The following TLK2 variants were observed in gnomAD, a reference collection of about 807,000 sequenced individuals.
TLK2 encodes tousled like kinase 2, also known as serine/threonine-protein kinase tousled-like 2.
Under a neutral mutation model 117.3 loss-of-function variants are expected in TLK2, and 6 were observed. That is an observed-to-expected ratio of 0.05 (90% CI 0.03 to 0.10). TLK2 has a LOEUF of 0.10. TLK2 is among the 10% of genes least tolerant of loss of function. The pLI, the probability that TLK2 is intolerant of heterozygous loss-of-function variation, is 1.00. For synonymous variants in TLK2, 257 were observed against 316.7 expected (o/e 0.81, Z 2.00); for missense variants, 299 against 901.2 (o/e 0.33, Z 8.56).
At chr17:62,549,398 C>CAAAAAAAA (rs777779302) in intron 7 of TLK2, among the ~76,000 whole-genome samples, 3 of 37,100 alleles carry the variant, frequency 8.1e-5, no homozygotes, top group African/African-American at 3.1e-4. Context: ...GACTCCATCT[C>CAAAAAAAA]AAAAAAAAAA....
intron 2 of TLK2, among the ~76,000 whole-genome samples, chr17:62,518,612 G>A (rs555674274): frequency 4.6e-5 from 7 of 152,138 alleles, no homozygotes; most frequent in Middle Eastern, 3.4e-3. Context: ...AGGCTGAGGC[G>A]GAAGAATTGC....
At chr17:62,478,690 C>G (rs2071215923), upstream of TLK2, among the ~76,000 whole-genome samples, 1 of 142,640 alleles carries the variant, frequency 7.0e-6, no homozygotes, top group African/African-American at 2.5e-5. Context: ...GGGGACCCCC[C>G]CCCACCTTCC....
At chr17:62,600,565 C>T in intron 17 of TLK2, 86 bp from the exon 18 acceptor site, 1 of 1,165,008 alleles carries the variant, frequency 8.6e-7, no homozygotes, top group Non-Finnish European at 1.2e-6. Flanking sequence ...AGCTGATGAC[C>T]TGAAGTTTTC....
intron 21 of TLK2, among the ~76,000 whole-genome samples, chr17:62,609,407 C>T (rs1187459597): frequency 6.6e-6 from 1 of 152,170 alleles, no homozygotes; most frequent in Non-Finnish European, 1.5e-5. Flanking sequence ...TCTCTTTCTT[C>T]GGTGTTTGAT....
At position 62,522,194 on chromosome 17, in the gene TLK2, T is replaced by A; in HGVS notation, c.154-10T>A. 6.2e-7 allele frequency: 1 copy of A among 1,612,380 alleles called. No homozygotes were observed. The highest frequency in any genetic ancestry group is 8.5e-7 in the Non-Finnish European group (1 of 1,179,408). On this transcript the variant is annotated splice_polypyrimidine_tract_variant and intron_variant, in intron 3 of 21. Transcript: ENST00000346027. ...AAAATGCTAATTGTGACTTATATGG[T>A]ATTTGACAGACTCCCGAGAAAAAGC...
intron 2 of TLK2, among the ~76,000 whole-genome samples, chr17:62,502,028 AAT>A (rs1491333467): frequency 2.2e-5 from 3 of 134,244 alleles, no homozygotes; most frequent in Non-Finnish European, 3.2e-5. Flanking sequence ...AAAAAATACC[AAT>A]TTTTTTTTTT....
chr17:62,553,367 AT>A, intron 8 of TLK2: 1 of 236,082 alleles, frequency 4.2e-6, no homozygotes, highest in South Asian at 6.9e-5. Flanking sequence ...AGTTAGTTTC[AT>A]TTCTGGAGTA....
In TLK2 at chr17:62,548,906, T is replaced by A. The variant is rs1253339749; in HGVS notation, c.532-3396T>A. ...CACCCGCCCCCACGCCCAGATTATT[T>A]TTTTTTGTATGTTTAGTAGAGACAG... On this transcript the variant is annotated intron_variant, in intron 7 of 21. Transcript: ENST00000346027. 1.0e-4 allele frequency among the ~76,000 whole-genome samples: 15 copies of A among 148,836 alleles called. 1 individual carries two copies. In the East Asian group the frequency reaches 1.0e-3, roughly 10 times the overall value.
intron 7 of TLK2, among the ~76,000 whole-genome samples, chr17:62,548,318 G>C (rs888940364): frequency 6.8e-6 from 1 of 147,500 alleles, no homozygotes; most frequent in African/African-American, 2.5e-5. Flanking sequence ...GTCTCACTCT[G>C]TCACCCAGGC....
chr17:62,600,243 C>CA (rs11290220), intron 17 of TLK2: 48 of 150,692 alleles, frequency 3.2e-4, no homozygotes, highest in Non-Finnish European at 4.6e-4. Context: ...GACGGAGTCT[C>CA]AAAAAAAAAA....
chr17:62,614,188 A>G lies in TLK2; in HGVS notation c.*1623A>G, dbSNP rs954500709. ...AAATATGAACATTCTTTTGGCACCA[A>G]TTTTCTTTTTTAATTTGGTTGTTTC... On this transcript the variant is annotated 3_prime_UTR_variant, in exon 22 of 22. Coordinates refer to ENST00000346027, the MANE Select transcript of TLK2 (RefSeq NM_006852.6). 3.3e-5 allele frequency: 5 copies of G among 151,860 alleles called. No individual in the cohort carries two copies. Among genetic ancestry groups the G allele is most frequent in the African/African-American group, 1.2e-4 (5 of 41,312 alleles). 9.4% of individuals were successfully genotyped at this position (151,860 alleles called of 1,614,324 possible). A position where few individuals can be genotyped will look rare whatever the true frequency, so the allele number is the denominator to read the frequency against.
intron 21 of TLK2, among the ~76,000 whole-genome samples, chr17:62,610,685 T>C (rs1808755469): frequency 2.0e-5 from 3 of 152,098 alleles, no homozygotes; most frequent in Admixed American, 2.0e-4. Context: ...GATGTGAGAA[T>C]GAGCTTTTTG....
intron 2 of TLK2, among the ~76,000 whole-genome samples, chr17:62,500,960 C>T (rs992604037): frequency 3.3e-5 from 5 of 152,050 alleles, no homozygotes; most frequent in Admixed American, 6.6e-5. Context: ...ATTTGTGAGC[C>T]GGGCATGGTG....
upstream of TLK2, among the ~76,000 whole-genome samples, chr17:62,478,613 G>A (rs1350141548): frequency 6.6e-6 from 1 of 150,908 alleles, no homozygotes; most frequent in African/African-American, 2.4e-5. Flanking sequence ...GCCGGCGCGG[G>A]GTCCCCTGGT....
chr17:62,534,051 T>G (rs1203541800), intron 6 of TLK2, among the ~76,000 whole-genome samples: 3 of 152,236 alleles, frequency 2.0e-5, no homozygotes, highest in Non-Finnish European at 2.9e-5. Flanking sequence ...ATCTGTCTGC[T>G]TCTGTATCTG....
intron 12 of TLK2, among the ~76,000 whole-genome samples, chr17:62,575,344 G>T (rs1485621132): frequency 1.3e-5 from 2 of 152,178 alleles, no homozygotes; most frequent in African/African-American, 4.8e-5. Context: ...TTCAGACAGA[G>T]AATTCTTAGC....
chr17:62,499,190 A>C (rs1441664440), intron 2 of TLK2, among the ~76,000 whole-genome samples: 1 of 151,850 alleles, frequency 6.6e-6, no homozygotes, highest in Non-Finnish European at 1.5e-5. Context: ...AAAACATGAA[A>C]ATTAGCTGGG....
chr17:62,482,458 T>G (rs1249419616), intron 2 of TLK2, among the ~76,000 whole-genome samples: 3 of 151,052 alleles, frequency 2.0e-5, no homozygotes, highest in East Asian at 1.9e-4. Flanking sequence ...GTTTTGTTTT[T>G]TTTTTTTTTG....
At chr17:62,591,591 A>G (rs1191902823) in intron 16 of TLK2, among the ~76,000 whole-genome samples, 3 of 152,168 alleles carry the variant, frequency 2.0e-5, no homozygotes, top group Non-Finnish European at 4.4e-5. Context: ...GTTTTTTGGA[A>G]AAACGTAAAG....
Sources: allele counts gnomAD v4.1 joint callset (sites outside exome capture counted in the v4.1 genomes callset), GRCh38; gene constraint gnomAD v4.1.1; transcripts MANE v1.5; gene names NCBI Gene and HGNC (gene_info 2026-07-23, HGNC 2026-07-21).